The following CSF1R variants were observed in gnomAD, a reference collection of about 807,000 sequenced individuals.
The protein encoded by CSF1R is colony stimulating factor 1 receptor, also known as macrophage colony-stimulating factor 1 receptor.
CSF1R carries 40 observed loss-of-function variants against 110.0 expected under a neutral mutation model. The ratio of observed to expected loss-of-function variants is 0.36; its 90% CI spans 0.28 to 0.47. The LOEUF is 0.47. Ranked by LOEUF, CSF1R falls within the 20% of genes least tolerant of loss-of-function variation. The pLI is 0.99. For synonymous variants in CSF1R, 523 were observed against 503.4 expected (o/e 1.04, Z -0.52); for missense variants, 1,052 against 1,253.0 (o/e 0.84, Z 2.42).
At chr5:150,087,228 G>A (rs1758878053), upstream of CSF1R, among the ~76,000 whole-genome samples, 1 of 152,176 alleles carries the variant, frequency 6.6e-6, no homozygotes, top group African/African-American at 2.4e-5. Context: ...CTACATCTGG[G>A]GTCAGAAGTA....
chr5:150,073,628 A>G (rs1758126669), intron 5 of CSF1R, 135 bp from the exon 6 acceptor site: 8 of 800,364 alleles, frequency 1.0e-5, no homozygotes, highest in Non-Finnish European at 1.3e-5. Flanking sequence ...CACCCAAGAC[A>G]GGTCCTCTGA....
At chr5:150,097,079 T>C (rs1170695851) in intron 1 of CSF1R, among the ~76,000 whole-genome samples, 1 of 152,076 alleles carries the variant, frequency 6.6e-6, no homozygotes, top group Non-Finnish European at 1.5e-5. Context: ...CTGGGCAACA[T>C]AGGCAGACCC....
At chr5:150,054,824 T>TA (rs558301459) in intron 19 of CSF1R, 105 of 237,910 alleles carry the variant, frequency 4.4e-4, no homozygotes, top group African/African-American at 2.4e-3. Context: ...CCATCTCTAC[T>TA]AAAAAATTTT....
chr5:150,094,259 G>A (rs1726609024), intron 1 of CSF1R: 8 of 1,262,086 alleles, frequency 6.3e-6, no homozygotes, highest in East Asian at 4.6e-5. Context: ...GGGTGTATAT[G>A]CACTTTAGAA....
chr5:150,068,580 G>A (rs1291382105), intron 9 of CSF1R, among the ~76,000 whole-genome samples: 3 of 152,160 alleles, frequency 2.0e-5, no homozygotes, highest in African/African-American at 2.4e-5. Context: ...CCTGTGGCTG[G>A]GGGTAGGGAG....
intron 5 of CSF1R, among the ~76,000 whole-genome samples, chr5:150,075,587 C>T (rs1015560307): frequency 2.6e-5 from 4 of 152,226 alleles, no homozygotes; most frequent in Non-Finnish European, 4.4e-5. Flanking sequence ...CTATCTGAAG[C>T]TGCAAATGCT....
At position 150,059,770 on chromosome 5, in the gene CSF1R, T is replaced by C. The variant is rs2113787480; in HGVS notation, c.2062A>G (p.Ser688Gly). 1 of 1,614,130 alleles carries C rather than the reference T, an allele frequency of 6.2e-7. No individual in the cohort carries two copies. The highest frequency in any genetic ancestry group is 8.5e-7 in the Non-Finnish European group (1 of 1,180,030). ...KAEAMLGPSLSPGQDPEGGVD... is the reference protein window; with the variant it reads ...KAEAMLGPSLGPGQDPEGGVD... ...CCTCCCTCGGGGTCCTGGCCGGGGC[T>C]CAGGCTGGGTCCCAGCATGGCCTCA... Residue 688 changes from serine to glycine, a missense_variant, in exon 14 of 21, where the codon AGC becomes GGC. Physicochemically the swap from Ser to Gly is moderately conservative, Grantham distance 56. Transcript: ENST00000675795.
upstream of CSF1R, among the ~76,000 whole-genome samples, chr5:150,091,429 A>G (rs1377480112): frequency 6.6e-6 from 1 of 152,258 alleles, no homozygotes; most frequent in African/African-American, 2.4e-5. Flanking sequence ...AATATTATTC[A>G]GCTATAAAGG....
At chr5:150,087,505 G>A (rs1179206607), upstream of CSF1R, among the ~76,000 whole-genome samples, 3 of 152,184 alleles carry the variant, frequency 2.0e-5, no homozygotes, top group African/African-American at 7.2e-5. Flanking sequence ...ACCAAATGGT[G>A]GAGATAGGAT....
intron 1 of CSF1R, among the ~76,000 whole-genome samples, chr5:150,104,666 A>T (rs918791336): frequency 1.3e-5 from 2 of 152,180 alleles, no homozygotes; most frequent in Non-Finnish European, 2.9e-5. Context: ...CAGAGAAGTT[A>T]AGTCACTTTC....
At position 150,055,445 on chromosome 5, in the gene CSF1R, G is replaced by A. The variant is rs555595201; in HGVS notation, c.2555-109C>T. 7.0e-6 allele frequency: 6 copies of A among 853,354 alleles called. No homozygotes were observed. The South Asian group carries it at 7.4e-5, about 11-fold the overall frequency. The allele number at this position is 853,354 out of a possible 1,614,324, so 52.9% of individuals were successfully genotyped here. On this transcript the variant is annotated intron_variant, in intron 18 of 20. Coordinates refer to ENST00000675795, the MANE Select transcript of CSF1R (RefSeq NM_001288705.3). ...TTAAAGGGTCCCACTTGACAACACTGCAACAGCAGCTACTCTTACCCGGTG... is the reference window on the plus strand; with the variant it reads ...TTAAAGGGTCCCACTTGACAACACTACAACAGCAGCTACTCTTACCCGGTG...
At chr5:150,073,798 A>G (rs890567643) in intron 5 of CSF1R, among the ~76,000 whole-genome samples, 21 of 152,232 alleles carry the variant, frequency 1.4e-4, no homozygotes, top group African/African-American at 5.1e-4. Context: ...CAAGTTTTTG[A>G]AAAATTTTTG....
At chr5:150,109,940 A>T (rs1435380488) in intron 1 of CSF1R, among the ~76,000 whole-genome samples, 1 of 152,254 alleles carries the variant, frequency 6.6e-6, no homozygotes, top group Non-Finnish European at 1.5e-5. Context: ...TCTTCAAAGA[A>T]TCAGTATGTC....
intron 14 of CSF1R, among the ~76,000 whole-genome samples, chr5:150,058,879 TG>T (rs1334016334): frequency 6.6e-6 from 1 of 152,092 alleles, no homozygotes; most frequent in Non-Finnish European, 1.5e-5. Flanking sequence ...ACTCCTGGAC[TG>T]GAAGTCAAGA....
At chr5:150,088,748 A>G (rs148971550), upstream of CSF1R, among the ~76,000 whole-genome samples, 664 of 152,266 alleles carry the variant, frequency 4.4e-3, 18 homozygotes, top group East Asian at 0.064. Flanking sequence ...TGGCCAGGCT[A>G]GTCTTGAACT....
intron 1 of CSF1R, among the ~76,000 whole-genome samples, chr5:150,092,635 G>C (rs975332505): frequency 6.6e-6 from 1 of 152,076 alleles, no homozygotes; most frequent in Non-Finnish European, 1.5e-5. Flanking sequence ...TATATGCAGG[G>C]GAACTCCCAT....
intron 1 of CSF1R, chr5:150,094,818 G>C (rs990757972): frequency 8.1e-6 from 11 of 1,352,100 alleles, no homozygotes; most frequent in Admixed American, 5.3e-5. Flanking sequence ...GACAGATAAC[G>C]CTTTGATTGC....
chr5:150,103,608 C>T (rs1427907344), intron 1 of CSF1R, among the ~76,000 whole-genome samples: 1 of 152,186 alleles, frequency 6.6e-6, no homozygotes, highest in Non-Finnish European at 1.5e-5. Context: ...AACATAAGCA[C>T]AATCAGATGG....
intron 1 of CSF1R, among the ~76,000 whole-genome samples, chr5:150,110,319 T>C (rs574390234): frequency 1.3e-5 from 2 of 152,230 alleles, no homozygotes; most frequent in Non-Finnish European, 2.9e-5. Flanking sequence ...TCCCCTCCCC[T>C]GTCAAGGTGT....
Sources: allele counts gnomAD v4.1 joint callset (sites outside exome capture counted in the v4.1 genomes callset), GRCh38; gene constraint gnomAD v4.1.1; transcripts MANE v1.5; gene names NCBI Gene and HGNC (gene_info 2026-07-23, HGNC 2026-07-21).